LRRC4C: variants seen among roughly 807,000 people sequenced by gnomAD.
The protein encoded by LRRC4C is leucine rich repeat containing 4C.
A neutral mutation model predicts 33.6 loss-of-function variants in LRRC4C; 5 were observed. That is an observed-to-expected ratio of 0.15 (90% confidence interval 0.08 to 0.31). The LOEUF is 0.31. Among genes scored for constraint, LRRC4C ranks in the 10% least tolerant of loss-of-function variants. LRRC4C has a pLI of 1.00. For missense variants in LRRC4C, 560 were observed against 796.7 expected (o/e 0.70, Z 3.58); for synonymous variants, 329 against 302.0 (o/e 1.09, Z -0.93).
intron 1 of LRRC4C, among the ~76,000 whole-genome samples, chr11:41,365,075 G>C (rs1052270071): frequency 6.6e-6 from 1 of 152,106 alleles, no homozygotes; most frequent in Non-Finnish European, 1.5e-5. Flanking sequence ...TAGGAACTGG[G>C]CTGCAAAGCA....
At chr11:41,249,955 G>T (rs1948585308) in intron 1 of LRRC4C, among the ~76,000 whole-genome samples, 1 of 151,960 alleles carries the variant, frequency 6.6e-6, no homozygotes, top group African/African-American at 2.4e-5. Flanking sequence ...CCTGAGGTCA[G>T]GAGTTCGAGA....
intron 1 of LRRC4C, among the ~76,000 whole-genome samples, chr11:41,288,709 T>C (rs1949906782): frequency 6.6e-6 from 1 of 152,168 alleles, no homozygotes; most frequent in African/African-American, 2.4e-5. Context: ...GTGGGTTCTC[T>C]TCTTAAGGTT....
At position 41,088,881 on chromosome 11, in the gene LRRC4C, G is replaced by A. The variant is rs561452004; in HGVS notation, c.-495-155158C>T. 2.0e-5 allele frequency among the ~76,000 whole-genome samples: 3 copies of A among 152,100 alleles called. No individual in the cohort carries two copies. In the South Asian group the frequency reaches 6.2e-4, roughly 32 times the overall value. On this transcript the variant is annotated intron_variant, in intron 1 of 6. Transcript: ENST00000528697. ...CTTGACTTGCAGAAGGAAGAGTCTAGATAAGAAATTATCTCCTTTTTCTCT... is the reference window on the plus strand; with the variant it reads ...CTTGACTTGCAGAAGGAAGAGTCTAAATAAGAAATTATCTCCTTTTTCTCT...
intron 3 of LRRC4C, among the ~76,000 whole-genome samples, chr11:40,335,934 C>G (rs1463319637): frequency 6.6e-6 from 1 of 152,184 alleles, no homozygotes; most frequent in African/African-American, 2.4e-5. Context: ...TGAACTTCAT[C>G]TGTAAAATGT....
At chr11:40,302,897 T>C (rs1944844850) in intron 4 of LRRC4C, among the ~76,000 whole-genome samples, 1 of 152,202 alleles carries the variant, frequency 6.6e-6, no homozygotes, top group East Asian at 1.9e-4. Context: ...AATCTGACAT[T>C]CATTGTTTGT....
intron 4 of LRRC4C, among the ~76,000 whole-genome samples, chr11:40,256,310 T>C (rs569625547): frequency 6.6e-6 from 1 of 152,268 alleles, no homozygotes; most frequent in East Asian, 1.9e-4. Flanking sequence ...AACAGGTACC[T>C]CATCTCAGAG....
In LRRC4C at chr11:41,395,366, C is replaced by G. The variant is rs1167264206; in HGVS notation, c.-496+64065G>C. ...GCTGTATAACCTCATTTATACCCAG[C>G]AAATAATGAGGTCTGGAGACGTGTG... On this transcript the variant is annotated intron_variant, in intron 1 of 6. Coordinates refer to ENST00000528697, the MANE Select transcript of LRRC4C (RefSeq NM_001258419.2). Among the ~76,000 whole-genome samples the G allele has an allele frequency of 2.0e-5, 3 of 151,908 alleles. No individual in the cohort carries two copies. The South Asian group carries it at 6.2e-4, about 31-fold the overall frequency.
chr11:40,281,069 G>A (rs1590898260), intron 4 of LRRC4C, among the ~76,000 whole-genome samples: 1 of 152,180 alleles, frequency 6.6e-6, no homozygotes, highest in East Asian at 1.9e-4. Flanking sequence ...TGCAGAGAGG[G>A]TGAGAAAGAG....
intron 3 of LRRC4C, among the ~76,000 whole-genome samples, chr11:40,395,270 T>C (rs1033610415): frequency 6.6e-6 from 1 of 152,150 alleles, no homozygotes; most frequent in Non-Finnish European, 1.5e-5. Flanking sequence ...CATTGCCTGT[T>C]TGAAATTATA....
chr11:40,156,457 C>T (rs1858697630), intron 5 of LRRC4C, among the ~76,000 whole-genome samples: 1 of 152,108 alleles, frequency 6.6e-6, no homozygotes. Context: ...CACTAAGACT[C>T]ATCCAGAAAG....
chr11:40,394,706 A>G (rs1046201724), intron 3 of LRRC4C, among the ~76,000 whole-genome samples: 9 of 152,166 alleles, frequency 5.9e-5, no homozygotes, highest in African/African-American at 2.2e-4. Flanking sequence ...ACAGGTAAAT[A>G]ATAGAAGAGG....
intron 2 of LRRC4C, among the ~76,000 whole-genome samples, chr11:40,858,308 G>A (rs865869778): frequency 2.4e-4 from 37 of 152,226 alleles, no homozygotes; most frequent in Middle Eastern, 6.8e-3. Context: ...GAGCAATTAA[G>A]AGCTTGGTTG....
At chr11:40,606,789 T>C (rs1960658054) in intron 3 of LRRC4C, among the ~76,000 whole-genome samples, 1 of 152,064 alleles carries the variant, frequency 6.6e-6, no homozygotes, top group Non-Finnish European at 1.5e-5. Context: ...AGAAAGCTAT[T>C]TTGAAAAATT....
intron 1 of LRRC4C, among the ~76,000 whole-genome samples, chr11:40,974,817 C>A (rs1429895943): frequency 6.6e-6 from 1 of 152,188 alleles, no homozygotes; most frequent in Non-Finnish European, 1.5e-5. Flanking sequence ...TTTCCTTGTT[C>A]TTGCACTTGG....
At chr11:40,687,498 C>A (rs181673976) in intron 2 of LRRC4C, among the ~76,000 whole-genome samples, 5 of 152,034 alleles carry the variant, frequency 3.3e-5, no homozygotes, top group Admixed American at 3.3e-4. Flanking sequence ...TGATATTCAG[C>A]GCAGTAATAA....
At chr11:41,146,283 T>A (rs1231560324) in intron 1 of LRRC4C, among the ~76,000 whole-genome samples, 1 of 152,188 alleles carries the variant, frequency 6.6e-6, no homozygotes, top group Non-Finnish European at 1.5e-5. Flanking sequence ...TATCTCCCCA[T>A]CATCTCTCAA....
chr11:40,565,500 G>A (rs1002789733), intron 3 of LRRC4C, among the ~76,000 whole-genome samples: 1 of 152,102 alleles, frequency 6.6e-6, no homozygotes, highest in African/African-American at 2.4e-5. Context: ...TCATTTAGGG[G>A]CAATATTTTC....
chr11:40,267,035 C>T (rs1397312767), intron 4 of LRRC4C, among the ~76,000 whole-genome samples: 1 of 145,428 alleles, frequency 6.9e-6, no homozygotes, highest in Non-Finnish European at 1.5e-5. Context: ...CTAAACCTTC[C>T]CTTTTTTGCT....
intron 1 of LRRC4C, among the ~76,000 whole-genome samples, chr11:40,941,536 A>G (rs1958145305): frequency 6.6e-6 from 1 of 152,154 alleles, no homozygotes. Flanking sequence ...CTTGAACTCA[A>G]GAAAATATTT....
Sources: gnomAD v4.1 joint callset for allele counts (sites outside exome capture counted in the v4.1 genomes callset) on GRCh38, gnomAD v4.1.1 for gene constraint, MANE v1.5 for transcripts, NCBI Gene and HGNC (gene_info 2026-07-23, HGNC 2026-07-21) for gene names.